Variants in MLLT3 observed in about 807,000 individuals in gnomAD.
The protein encoded by MLLT3 is MLLT3 super elongation complex subunit.
In MLLT3, 4 loss-of-function variants were observed where a neutral mutation model predicts 53.2. The observed-to-expected ratio is 0.08, with a 90% confidence interval of 0.04 to 0.17. The LOEUF (loss-of-function observed/expected upper bound fraction) is 0.17, where lower values mean the gene tolerates loss of function less well. MLLT3 is among the 10% of genes least tolerant of loss of function. The probability of loss-of-function intolerance (pLI) is 1.00; values close to 1 mark genes in which losing one functional copy is unlikely to be tolerated. For missense variants in MLLT3, 569 were observed against 684.0 expected, an observed-to-expected ratio of 0.83 and a Z score of 1.87; for synonymous variants, 283 against 230.6, an observed-to-expected ratio of 1.23 and a Z score of -2.06.
intron 2 of MLLT3, among the ~76,000 whole-genome samples, chr9:20,485,796 C>T (rs1208869489): frequency 9.6e-6 from 1 of 104,652 alleles, no homozygotes; most frequent in Admixed American, 1.0e-4. Flanking sequence ...TACATAAAGA[C>T]TGGAAAGCTA....
At chr9:20,351,939 G>T (rs182310591) in intron 10 of MLLT3, among the ~76,000 whole-genome samples, 3 of 152,148 alleles carry the variant, frequency 2.0e-5, no homozygotes, top group African/African-American at 7.2e-5. Flanking sequence ...GCTTTCAACC[G>T]GCCTGGGAAT....
chr9:20,524,021 G>T (rs896470959), intron 2 of MLLT3, among the ~76,000 whole-genome samples: 1 of 151,940 alleles, frequency 6.6e-6, no homozygotes, highest in African/African-American at 2.4e-5. Flanking sequence ...GGTTGTCAGG[G>T]GTCAGGGGAA....
At chr9:20,429,086 G>T (rs753353118) in intron 4 of MLLT3, among the ~76,000 whole-genome samples, 1 of 152,170 alleles carries the variant, frequency 6.6e-6, no homozygotes, top group Non-Finnish European at 1.5e-5. Flanking sequence ...AAGACAGGCA[G>T]GTATGGTAGT....
chr9:20,618,068 T>TACTACA (rs1820881168), intron 2 of MLLT3, among the ~76,000 whole-genome samples: 1 of 152,216 alleles, frequency 6.6e-6, no homozygotes, highest in Non-Finnish European at 1.5e-5. Context: ...TAGCAGCTAC[T>TACTACA]GTATACAGTG....
At chr9:20,381,271 T>C (rs955156478) in intron 5 of MLLT3, among the ~76,000 whole-genome samples, 49 of 151,956 alleles carry the variant, frequency 3.2e-4, no homozygotes, top group Non-Finnish European at 6.3e-4. Context: ...TATTAACTAT[T>C]TGGACATCAT....
chr9:20,353,062 G>T lies in MLLT3; in HGVS notation c.1575+463C>A, dbSNP rs182529641. On this transcript the variant is annotated intron_variant, in intron 10 of 10. Transcript: ENST00000380338. ...TAATAATAGAATGTATGTCATACAA[G>T]ATAAGGGAAATGAAGAAAATATTTA... Among the ~76,000 whole-genome samples the T allele has an allele frequency of 1.0e-3, 153 of 152,128 alleles. 1 individual carries two copies. The highest frequency in any genetic ancestry group is 3.5e-3 in the African/African-American group (145 of 41,504).
At chr9:20,352,819 A>G (rs2082754411) in intron 10 of MLLT3, among the ~76,000 whole-genome samples, 1 of 152,030 alleles carries the variant, frequency 6.6e-6, no homozygotes, top group East Asian at 1.9e-4. Context: ...ACAGCGAAAC[A>G]ATCTACATGT....
intron 2 of MLLT3, among the ~76,000 whole-genome samples, chr9:20,485,672 T>A (rs954738043): frequency 2.6e-5 from 4 of 152,298 alleles, no homozygotes; most frequent in Non-Finnish European, 2.9e-5. Flanking sequence ...CAAGTTTTTT[T>A]AAAAAATCAC....
intron 2 of MLLT3, among the ~76,000 whole-genome samples, chr9:20,579,152 G>C (rs572718526): frequency 1.3e-5 from 2 of 152,216 alleles, no homozygotes; most frequent in East Asian, 3.9e-4. Context: ...AGGATTGCTT[G>C]AGGCCAGGAG....
intron 2 of MLLT3, among the ~76,000 whole-genome samples, chr9:20,470,263 A>C (rs1390196271): frequency 6.6e-5 from 10 of 152,026 alleles, no homozygotes; most frequent in African/African-American, 2.4e-4. Context: ...GAATAGAAAA[A>C]AATGTTTATC....
At chr9:20,401,070 A>C (rs1380242942) in intron 5 of MLLT3, among the ~76,000 whole-genome samples, 1 of 152,140 alleles carries the variant, frequency 6.6e-6, no homozygotes, top group Non-Finnish European at 1.5e-5. Context: ...AAAAAGGGAG[A>C]GTCACAGACA....
chr9:20,429,124 GA>G (rs1210510336), intron 4 of MLLT3, among the ~76,000 whole-genome samples: 2 of 152,120 alleles, frequency 1.3e-5, no homozygotes, highest in Admixed American at 6.6e-5. Flanking sequence ...GTGGTTTTAG[GA>G]GGCCAAAGTG....
intron 2 of MLLT3, among the ~76,000 whole-genome samples, chr9:20,553,829 CT>C (rs555953729): frequency 3.4e-3 from 490 of 144,236 alleles, no homozygotes; most frequent in South Asian, 5.3e-3. Flanking sequence ...AAATAAACAG[CT>C]TTTTTTTTTT....
intron 2 of MLLT3, among the ~76,000 whole-genome samples, chr9:20,548,805 C>T (rs920293754): frequency 1.3e-5 from 2 of 151,366 alleles, no homozygotes; most frequent in Admixed American, 1.3e-4. Context: ...CTTACCAAAA[C>T]ACATATTTTG....
intron 2 of MLLT3, among the ~76,000 whole-genome samples, chr9:20,509,032 C>A (rs932379248): frequency 2.0e-5 from 3 of 152,192 alleles, no homozygotes; most frequent in Admixed American, 1.3e-4. Context: ...GAATCAGAAG[C>A]ACAAGGTCTC....
intron 4 of MLLT3, among the ~76,000 whole-genome samples, chr9:20,436,430 A>T (rs776647256): frequency 5.3e-5 from 8 of 152,200 alleles, no homozygotes; most frequent in Non-Finnish European, 1.0e-4. Flanking sequence ...AAAGCAATAA[A>T]CAAAAATATG....
chr9:20,346,518 A>G lies in MLLT3; in HGVS notation c.1632T>C (p.Asp544=), dbSNP rs1164261047. 6.2e-7 allele frequency: 1 copy of G among 1,613,798 alleles called. No homozygotes were observed. The highest frequency in any genetic ancestry group is 1.1e-5 in the South Asian group (1 of 91,072). The change falls in exon 11 of 11, where the codon GAT becomes GAC. Residue 544 remains aspartate, a synonymous_variant. Transcript: ENST00000380338. ...GHFHITNTTF[D]FDLCSLDKTT... is the part of the protein sequence containing the mutation. The stretch of plus-strand genomic sequence containing the variant: ...TTTTGTCCAGCGAGCAAAGATCAAA[A>G]TCAAATGTTGTGTTTGTGATATGAA...
intron 2 of MLLT3, among the ~76,000 whole-genome samples, chr9:20,578,116 A>G (rs1439300286): frequency 6.6e-6 from 1 of 152,224 alleles, no homozygotes; most frequent in African/African-American, 2.4e-5. Context: ...AAAGGGAATT[A>G]TTAGTGGCTG....
At chr9:20,415,462 A>G in intron 4 of MLLT3, 3 of 969,790 alleles carry the variant, frequency 3.1e-6, no homozygotes, top group Non-Finnish European at 2.5e-6. Flanking sequence ...TACCATTAAT[A>G]GTAAGAATAA....
Sources: gnomAD v4.1 joint callset for allele counts (sites outside exome capture counted in the v4.1 genomes callset) on GRCh38, gnomAD v4.1.1 for gene constraint, MANE v1.5 for transcripts, NCBI Gene and HGNC (gene_info 2026-07-23, HGNC 2026-07-21) for gene names.